The following CIMIP6 variants were observed in gnomAD, a reference collection of about 807,000 sequenced individuals.
The protein encoded by CIMIP6 is uncharacterized protein C2orf73.
the CIMIP6 span, among the ~76,000 whole-genome samples, chr2:54,371,235 G>C: frequency 6.6e-6 from 1 of 152,192 alleles, no homozygotes; most frequent in Admixed American, 6.5e-5. Flanking sequence ...TGGGAAGATG[G>C]GGAGGGTTGA....
At chr2:54,344,754 A>T in the CIMIP6 span, among the ~76,000 whole-genome samples, 1 of 152,188 alleles carries the variant, frequency 6.6e-6, no homozygotes, top group Non-Finnish European at 1.5e-5. Flanking sequence ...AAAGATTAGA[A>T]TTATGCCAGT....
chr2:54,378,883 G>C, the CIMIP6 span, among the ~76,000 whole-genome samples: 2 of 152,166 alleles, frequency 1.3e-5, no homozygotes, highest in Non-Finnish European at 2.9e-5. Context: ...CTTTCGTGAT[G>C]AAAGTACTGT....
At chr2:54,335,102 A>G in the CIMIP6 span, 99 of 1,133,324 alleles carry the variant, frequency 8.7e-5, no homozygotes, top group East Asian at 1.1e-3. Context: ...GTCACAGACT[A>G]TAAAGGATGA....
the CIMIP6 span, among the ~76,000 whole-genome samples, chr2:54,342,105 A>C: frequency 6.6e-6 from 1 of 152,168 alleles, no homozygotes; most frequent in African/African-American, 2.4e-5. Flanking sequence ...ACAATTACCA[A>C]TTATTCCATT....
At chr2:54,370,870 C>T in the CIMIP6 span, among the ~76,000 whole-genome samples, 7 of 152,284 alleles carry the variant, frequency 4.6e-5, no homozygotes, top group South Asian at 2.1e-4. Flanking sequence ...TACCCAGGGT[C>T]GCCTGCCAAG....
the CIMIP6 span, among the ~76,000 whole-genome samples, chr2:54,355,886 T>C: frequency 6.6e-6 from 1 of 152,198 alleles, no homozygotes; most frequent in African/African-American, 2.4e-5. Flanking sequence ...CTTCACACAG[T>C]ATATGTTTTA....
the CIMIP6 span, among the ~76,000 whole-genome samples, chr2:54,355,250 A>G: frequency 2.0e-5 from 3 of 152,204 alleles, no homozygotes; most frequent in South Asian, 6.2e-4. Context: ...GAAAGCATTT[A>G]TAATTTTTCT....
the CIMIP6 span, among the ~76,000 whole-genome samples, chr2:54,347,774 C>T: frequency 1.3e-5 from 2 of 152,158 alleles, no homozygotes; most frequent in African/African-American, 2.4e-5. Flanking sequence ...CACCTTGTCC[C>T]GCTGCCCCAT....
the CIMIP6 span, among the ~76,000 whole-genome samples, chr2:54,349,043 G>C: frequency 8.5e-5 from 13 of 152,280 alleles, no homozygotes; most frequent in Admixed American, 3.9e-4. Context: ...AATATGTGAA[G>C]GGGGTATTTC....
the CIMIP6 span, among the ~76,000 whole-genome samples, chr2:54,359,713 A>G: frequency 6.6e-6 from 1 of 152,108 alleles, no homozygotes; most frequent in African/African-American, 2.4e-5. Flanking sequence ...TTATAAAGCC[A>G]AATAGAAATG....
At chr2:54,371,687 G>A in the CIMIP6 span, among the ~76,000 whole-genome samples, 15 of 152,180 alleles carry the variant, frequency 9.9e-5, no homozygotes, top group African/African-American at 2.9e-4. Context: ...CAGCCCAGGC[G>A]GCATCTCCTG....
chr2:54,331,532 A>G, the CIMIP6 span, among the ~76,000 whole-genome samples: 1 of 152,084 alleles, frequency 6.6e-6, no homozygotes. Context: ...TATGGAGTCT[A>G]CACAACACGC....
chr2:54,372,620 C>T, the CIMIP6 span, among the ~76,000 whole-genome samples: 3 of 152,188 alleles, frequency 2.0e-5, no homozygotes, highest in African/African-American at 7.2e-5. Context: ...GTCATGCCAA[C>T]CAGCAGTCTT....
the CIMIP6 span, chr2:54,343,887 G>A: frequency 6.4e-7 from 1 of 1,571,740 alleles, no homozygotes; most frequent in Non-Finnish European, 8.6e-7. Context: ...AGGTTTTGCA[G>A]TGGTAAAAAC....
the CIMIP6 span, chr2:54,335,031 C>T: frequency 1.3e-6 from 2 of 1,579,866 alleles, no homozygotes; most frequent in Non-Finnish European, 1.7e-6. Flanking sequence ...ACAGGTTGGA[C>T]AGATGTTCAT....
the CIMIP6 span, among the ~76,000 whole-genome samples, chr2:54,377,214 C>T: frequency 1.3e-5 from 2 of 152,070 alleles, no homozygotes; most frequent in African/African-American, 2.4e-5. Flanking sequence ...CAGCCTGATT[C>T]GTAATATTGA....
At chr2:54,343,849 A>T in the CIMIP6 span, 2 of 1,605,660 alleles carry the variant, frequency 1.2e-6, no homozygotes, top group African/African-American at 2.7e-5. Flanking sequence ...ACACAGCAAG[A>T]TGCAAAAGCC....
chr2:54,370,916 C>G, the CIMIP6 span, among the ~76,000 whole-genome samples: 1 of 152,174 alleles, frequency 6.6e-6, no homozygotes, highest in East Asian at 1.9e-4. Flanking sequence ...GTCACTCCAC[C>G]CAGGGCAGGA....
the CIMIP6 span, among the ~76,000 whole-genome samples, chr2:54,342,189 T>C: frequency 6.6e-6 from 1 of 152,184 alleles, no homozygotes; most frequent in South Asian, 2.1e-4. Context: ...TCCAACTCTC[T>C]CATCAGCTCT....
Sources: allele counts gnomAD v4.1 joint callset (sites outside exome capture counted in the v4.1 genomes callset), GRCh38; gene constraint gnomAD v4.1.1; transcripts MANE v1.5; gene names NCBI Gene and HGNC (gene_info 2026-07-23, HGNC 2026-07-21).